KIF16B: variants seen among roughly 807,000 people sequenced by gnomAD.
The protein encoded by KIF16B is kinesin-like protein KIF16B.
In KIF16B, 98 loss-of-function variants were observed where a neutral mutation model predicts 156.3. That is an observed-to-expected ratio of 0.63 (90% CI 0.53 to 0.74). The LOEUF is 0.74. Among genes scored for constraint, KIF16B ranks in the 30% least tolerant of loss-of-function variants. KIF16B has a pLI of 0.00. For synonymous variants in KIF16B, 564 were observed against 583.7 expected (o/e 0.97, Z 0.49); for missense variants, 1,421 against 1,606.5 (o/e 0.88, Z 1.97).
Position 16,404,873 on chromosome 20 carries a change from G to C in KIF16B, c.1724C>G (p.Ser575Cys), listed in dbSNP as rs767830256. ...ACGGGACTTCGAGAGGTCGGTCATG[G>C]ACAAGCTGAAGGAGGACAGAAGGCC... ...KSGLLSSFSL[S>C]MTDLSKSREN... The change falls in exon 17 of 26, where the codon TCC becomes TGC. Residue 575 changes from serine to cysteine, a missense_variant. Transcript: ENST00000354981. 18 of 1,613,476 alleles carry C rather than the reference G, an allele frequency of 1.1e-5. No individual in the cohort carries two copies. The highest frequency in any genetic ancestry group is 3.3e-4 in the Middle Eastern group (2 of 6,056).
chr20:16,346,735 C>G (rs1028896464), intron 23 of KIF16B, among the ~76,000 whole-genome samples: 5 of 152,222 alleles, frequency 3.3e-5, no homozygotes, highest in Non-Finnish European at 7.3e-5. Flanking sequence ...CCCTGAGAAT[C>G]TGGGAGATGG....
chr20:16,439,653 G>C (rs1395059826), intron 12 of KIF16B, among the ~76,000 whole-genome samples: 1 of 152,178 alleles, frequency 6.6e-6, no homozygotes, highest in African/African-American at 2.4e-5. Context: ...ACAAAGACAT[G>C]CCCAAGACTG....
intron 12 of KIF16B, among the ~76,000 whole-genome samples, chr20:16,481,335 A>G (rs1483765293): frequency 6.6e-6 from 1 of 152,134 alleles, no homozygotes; most frequent in Non-Finnish European, 1.5e-5. Context: ...AGCTGGGACT[A>G]CAGGCGTATG....
intron 1 of KIF16B, among the ~76,000 whole-genome samples, chr20:16,555,061 C>A (rs1242998713): frequency 6.6e-6 from 1 of 152,220 alleles, no homozygotes; most frequent in Non-Finnish European, 1.5e-5. Flanking sequence ...ACAGAATGAG[C>A]CTGAGCAAAA....
chr20:16,392,490 AAG>A (rs2146175244), intron 17 of KIF16B, among the ~76,000 whole-genome samples: 1 of 152,296 alleles, frequency 6.6e-6, no homozygotes, highest in Non-Finnish European at 1.5e-5. Context: ...GAAGATGCAA[AAG>A]AGATTCATAA....
At chr20:16,463,486 C>CA (rs1048556542) in intron 12 of KIF16B, among the ~76,000 whole-genome samples, 3 of 152,094 alleles carry the variant, frequency 2.0e-5, no homozygotes, top group African/African-American at 7.2e-5. Context: ...TGTTTTTTAA[C>CA]AAAAAGCCTG....
At chr20:16,320,972 C>T (rs1182684905) in intron 24 of KIF16B, among the ~76,000 whole-genome samples, 2 of 152,084 alleles carry the variant, frequency 1.3e-5, no homozygotes, top group African/African-American at 4.8e-5. Context: ...GCAATTTCTT[C>T]AGTTTTCATT....
intron 1 of KIF16B, among the ~76,000 whole-genome samples, chr20:16,563,964 C>G (rs1396752462): frequency 6.6e-6 from 1 of 152,184 alleles, no homozygotes; most frequent in Non-Finnish European, 1.5e-5. Context: ...CTCTCCCCTC[C>G]TTTCTCTTTC....
chr20:16,440,186 G>A (rs1157980055), intron 12 of KIF16B, among the ~76,000 whole-genome samples: 2 of 152,084 alleles, frequency 1.3e-5, no homozygotes, highest in Non-Finnish European at 2.9e-5. Context: ...TCAGGATGGG[G>A]TCAGTGAGAG....
chr20:16,339,714 T>C (rs1232280928), intron 23 of KIF16B, among the ~76,000 whole-genome samples: 1 of 152,210 alleles, frequency 6.6e-6, no homozygotes, highest in Non-Finnish European at 1.5e-5. Context: ...TCTGGCATCA[T>C]CCTTGATGTT....
chr20:16,450,741 T>C (rs2067057692), intron 12 of KIF16B, among the ~76,000 whole-genome samples: 1 of 152,094 alleles, frequency 6.6e-6, no homozygotes, highest in Non-Finnish European at 1.5e-5. Context: ...ACATGCAGTG[T>C]CAGGATGAGC....
intron 23 of KIF16B, among the ~76,000 whole-genome samples, chr20:16,350,387 A>G (rs183133234): frequency 2.4e-4 from 37 of 152,190 alleles, no homozygotes; most frequent in Non-Finnish European, 1.5e-5. Context: ...CAGCCAGGAC[A>G]ATGTCCAGAG....
At chr20:16,370,749 C>A in intron 21 of KIF16B, 113 bp from the exon 22 acceptor site, 1 of 761,834 alleles carries the variant, frequency 1.3e-6, no homozygotes, top group South Asian at 1.8e-5. Context: ...ACATACTTGT[C>A]ATTCAACAAT....
At chr20:16,515,176 G>T (rs903583739) in intron 4 of KIF16B, among the ~76,000 whole-genome samples, 1 of 151,496 alleles carries the variant, frequency 6.6e-6, no homozygotes, top group South Asian at 2.1e-4. Flanking sequence ...ATTTTTCTTG[G>T]GGAAAAATGT....
chr20:16,434,376 A>C (rs1170998615), intron 12 of KIF16B, among the ~76,000 whole-genome samples: 1 of 152,232 alleles, frequency 6.6e-6, no homozygotes, highest in Non-Finnish European at 1.5e-5. Context: ...TTATGAGAGT[A>C]AGCAGGGAGT....
intron 12 of KIF16B, among the ~76,000 whole-genome samples, chr20:16,434,417 G>A (rs1189535830): frequency 6.6e-6 from 1 of 152,168 alleles, no homozygotes; most frequent in Non-Finnish European, 1.5e-5. Context: ...CACATCCTTA[G>A]TGCCCAGCAC....
At chr20:16,356,500 C>T in intron 22 of KIF16B, 48 bp from the exon 23 acceptor site, 1 of 1,609,100 alleles carries the variant, frequency 6.2e-7, no homozygotes, top group South Asian at 1.1e-5. Context: ...ACCAGAATCA[C>T]TCCACTGCAA....
At chr20:16,513,976 G>A in intron 4 of KIF16B, among the ~76,000 whole-genome samples, 2 of 152,234 alleles carry the variant, frequency 1.3e-5, no homozygotes, top group South Asian at 2.1e-4. Flanking sequence ...TTCAGAGATT[G>A]TTTTTTCTTT....
chr20:16,314,943 C>G (rs781082413), intron 24 of KIF16B, among the ~76,000 whole-genome samples: 1 of 152,144 alleles, frequency 6.6e-6, no homozygotes, highest in East Asian at 1.9e-4. Context: ...CCAGTACAAA[C>G]GTGCCTCCCG....
Sources: gnomAD v4.1 joint callset for allele counts (sites outside exome capture counted in the v4.1 genomes callset) on GRCh38, gnomAD v4.1.1 for gene constraint, MANE v1.5 for transcripts, NCBI Gene and HGNC (gene_info 2026-07-23, HGNC 2026-07-21) for gene names.